Variants in TCF7L1 observed in about 807,000 individuals in gnomAD.
The protein encoded by TCF7L1 is transcription factor 7 like 1, also known as transcription factor 7-like 1.
A neutral mutation model predicts 63.7 loss-of-function variants in TCF7L1; 18 were observed. The ratio of observed to expected loss-of-function variants is 0.28; its 90% confidence interval spans 0.20 to 0.42. The LOEUF is 0.42. Among genes scored for constraint, TCF7L1 ranks in the 10% least tolerant of loss-of-function variants. The pLI is 1.00. For missense variants in TCF7L1, 654 were observed against 779.3 expected, an observed-to-expected ratio of 0.84 and a Z score of 1.91; for synonymous variants, 355 against 340.9, an observed-to-expected ratio of 1.04 and a Z score of -0.46.
intron 3 of TCF7L1, chr2:85,213,579 C>T (rs1263709061): frequency 6.6e-6 from 1 of 152,132 alleles, no homozygotes; most frequent in Non-Finnish European, 1.5e-5. Flanking sequence ...TGTCCCATGT[C>T]ATAATATGCC....
intron 3 of TCF7L1, among the ~76,000 whole-genome samples, chr2:85,223,114 C>T (rs760779882): frequency 6.6e-6 from 1 of 152,236 alleles, no homozygotes; most frequent in Non-Finnish European, 1.5e-5. Context: ...TGGAATCTCA[C>T]TCAGTCGCCT....
At chr2:85,294,026 A>ATTTTTTTTT (rs774050758) in intron 4 of TCF7L1, among the ~76,000 whole-genome samples, 2,122 of 59,398 alleles carry the variant, frequency 0.036, 471 homozygotes, top group East Asian at 0.12. Context: ...GAACACTGGG[A>ATTTTTTTTT]TTTTTTTTTT....
rs1682127252 is a variant in TCF7L1 at position 85,306,927 on chromosome 2, G to T, written c.1257+368G>T. On this transcript the variant is annotated intron_variant, in intron 10 of 11. Coordinates refer to ENST00000282111, the MANE Select transcript of TCF7L1 (RefSeq NM_031283.3). The surrounding 1 kb of genome is among the most constrained non-coding windows in gnomAD (Gnocchi z 4.3). ...GATCCGCCCACCTCGGCCTCCCAAA[G>T]CGCTGGGATTACAGGCGTGAGCCAC... is the stretch of plus-strand genomic sequence containing the variant. 6.6e-6 allele frequency among the ~76,000 whole-genome samples: 1 copy of T among 152,198 alleles called. No homozygotes were observed. The highest frequency in any genetic ancestry group is 1.5e-5 in the Non-Finnish European group (1 of 68,046).
At chr2:85,219,267 G>C (rs189704347) in intron 3 of TCF7L1, among the ~76,000 whole-genome samples, 1 of 152,294 alleles carries the variant, frequency 6.6e-6, no homozygotes, top group African/African-American at 2.4e-5. Flanking sequence ...TAAAGTCTAA[G>C]CATACTGGTG....
chr2:85,296,801 C>T (rs1219168324), intron 4 of TCF7L1, among the ~76,000 whole-genome samples: 2 of 151,784 alleles, frequency 1.3e-5, no homozygotes, highest in East Asian at 1.9e-4. Context: ...ATGAGAAAGT[C>T]GCTGATAGAT....
At chr2:85,307,018 A>G (rs1030393171) in intron 10 of TCF7L1, among the ~76,000 whole-genome samples, 2 of 152,220 alleles carry the variant, frequency 1.3e-5, no homozygotes. Flanking sequence ...ATACTTCTCT[A>G]GAAATAAGGA....
intron 3 of TCF7L1, among the ~76,000 whole-genome samples, chr2:85,237,619 A>G (rs1347904783): frequency 6.7e-6 from 1 of 148,902 alleles, no homozygotes; most frequent in Non-Finnish European, 1.5e-5. Flanking sequence ...CTCTGCCCCA[A>G]GTTGTGGGGA....
chr2:85,239,214 C>A (rs1573004916), intron 3 of TCF7L1, among the ~76,000 whole-genome samples: 1 of 152,150 alleles, frequency 6.6e-6, no homozygotes, highest in African/African-American at 2.4e-5. Flanking sequence ...GACCAGCCCG[C>A]CAGGCTGAGG....
chr2:85,265,254 G>T (rs1371940561), intron 3 of TCF7L1, among the ~76,000 whole-genome samples: 3 of 151,764 alleles, frequency 2.0e-5, no homozygotes, highest in Non-Finnish European at 2.9e-5. Context: ...GAGCATTTGG[G>T]GACCACTCTG....
chr2:85,241,653 C>T (rs1226942222), intron 3 of TCF7L1, among the ~76,000 whole-genome samples: 1 of 151,908 alleles, frequency 6.6e-6, no homozygotes, highest in Non-Finnish European at 1.5e-5. Context: ...CCATGTTGGT[C>T]AGGTTGGTCT....
intron 3 of TCF7L1, among the ~76,000 whole-genome samples, chr2:85,227,054 C>T (rs536561430): frequency 3.3e-5 from 5 of 152,280 alleles, no homozygotes; most frequent in East Asian, 1.9e-4. Flanking sequence ...TGTGCAAAAG[C>T]GTACATAGAG....
intron 3 of TCF7L1, among the ~76,000 whole-genome samples, chr2:85,172,575 T>C (rs1035297086): frequency 2.0e-5 from 3 of 152,108 alleles, no homozygotes; most frequent in South Asian, 2.1e-4. Context: ...TATAGGCAGG[T>C]GCCACCACGC....
chr2:85,230,571 GT>G (rs1273255210), intron 3 of TCF7L1, among the ~76,000 whole-genome samples: 4 of 152,170 alleles, frequency 2.6e-5, no homozygotes, highest in Non-Finnish European at 4.4e-5. Context: ...CTGACCTCAG[GT>G]TATCCACTCG....
chr2:85,240,372 G>A (rs1680295375), intron 3 of TCF7L1, among the ~76,000 whole-genome samples: 2 of 152,232 alleles, frequency 1.3e-5, no homozygotes, highest in South Asian at 4.1e-4. Flanking sequence ...CAGAGGGTGT[G>A]GATGGCAAAC....
intron 4 of TCF7L1, among the ~76,000 whole-genome samples, chr2:85,289,591 T>A (rs1431823142): frequency 3.3e-5 from 5 of 152,238 alleles, no homozygotes; most frequent in African/African-American, 1.2e-4. Flanking sequence ...CAGAAATATC[T>A]ACCACCTTTG....
At chr2:85,218,638 A>AGGG (rs1558637181) in intron 3 of TCF7L1, among the ~76,000 whole-genome samples, 1 of 135,654 alleles carries the variant, frequency 7.4e-6, no homozygotes, top group African/African-American at 2.7e-5. Context: ...TTTTATTCCA[A>AGGG]TGGGGGGGGG....
At chr2:85,244,313 A>G (rs1645555417) in intron 3 of TCF7L1, among the ~76,000 whole-genome samples, 1 of 152,154 alleles carries the variant, frequency 6.6e-6, no homozygotes. Context: ...ACGTGATCCA[A>G]CCTTTGTTTT....
chr2:85,254,828 C>G (rs1248350554), intron 3 of TCF7L1, among the ~76,000 whole-genome samples: 1 of 152,138 alleles, frequency 6.6e-6, no homozygotes, highest in Non-Finnish European at 1.5e-5. Flanking sequence ...GATGAGGAGG[C>G]ACAGGTATGT....
intron 3 of TCF7L1, among the ~76,000 whole-genome samples, chr2:85,171,376 C>T (rs184110551): frequency 6.6e-6 from 1 of 152,342 alleles, no homozygotes; most frequent in African/African-American, 2.4e-5. Context: ...TTAAAATGCA[C>T]ATCCTGGGCT....
Sources: gnomAD v4.1 joint callset for allele counts (sites outside exome capture counted in the v4.1 genomes callset) on GRCh38, gnomAD v4.1.1 for gene constraint, Gnocchi (gnomAD v3.1) non-coding constraint, MANE v1.5 for transcripts, NCBI Gene and HGNC (gene_info 2026-07-23, HGNC 2026-07-21) for gene names.